THSD4: variants seen among roughly 807,000 people sequenced by gnomAD.
The protein encoded by THSD4 is thrombospondin type 1 domain containing 4, also known as thrombospondin type-1 domain-containing protein 4.
Under a neutral mutation model 119.0 loss-of-function variants are expected in THSD4, and 69 were observed. The ratio of observed to expected loss-of-function variants is 0.58; its 90% CI spans 0.48 to 0.71. The LOEUF (loss-of-function observed/expected upper bound fraction) is 0.71, where lower values mean the gene tolerates loss of function less well. THSD4 is among the 30% of genes least tolerant of loss of function. The pLI is 0.00. For missense variants in THSD4, 1,393 were observed against 1,391.1 expected (o/e 1.00, Z -0.02); for synonymous variants, 524 against 540.4 (o/e 0.97, Z 0.42).
At chr15:71,373,464 G>A (rs868839602) in intron 6 of THSD4, among the ~76,000 whole-genome samples, 12 of 152,050 alleles carry the variant, frequency 7.9e-5, no homozygotes, top group Admixed American at 5.2e-4. Flanking sequence ...AGGATATCCC[G>A]GTGGCTGAAA....
intron 7 of THSD4, among the ~76,000 whole-genome samples, chr15:71,478,640 G>A (rs1233453014): frequency 3.3e-5 from 5 of 152,154 alleles, no homozygotes; most frequent in Non-Finnish European, 7.3e-5. Flanking sequence ...TTCAATGGTA[G>A]GTAGCAGCCA....
At chr15:71,293,134 T>C (rs2044815789) in intron 6 of THSD4, among the ~76,000 whole-genome samples, 1 of 152,172 alleles carries the variant, frequency 6.6e-6, no homozygotes, top group East Asian at 1.9e-4. Flanking sequence ...AGGTCGAAAG[T>C]TCTACGTGCA....
intron 5 of THSD4, among the ~76,000 whole-genome samples, chr15:71,249,116 C>A (rs147306363): frequency 6.6e-6 from 1 of 151,678 alleles, no homozygotes; most frequent in Non-Finnish European, 1.5e-5. Context: ...TATATATATA[C>A]ACACACACAC....
At chr15:71,357,154 G>A (rs1477387081) in intron 6 of THSD4, among the ~76,000 whole-genome samples, 1 of 152,184 alleles carries the variant, frequency 6.6e-6, no homozygotes, top group African/African-American at 2.4e-5. Context: ...GAATACAAAG[G>A]AATGTCCTTC....
At chr15:71,243,999 A>T (rs1030668896) in intron 5 of THSD4, among the ~76,000 whole-genome samples, 1 of 151,164 alleles carries the variant, frequency 6.6e-6, no homozygotes, top group Non-Finnish European at 1.5e-5. Flanking sequence ...GTTGGCCAGG[A>T]TGGTTTCGAT....
chr15:71,634,575 T>TC (rs2050701165), intron 7 of THSD4, among the ~76,000 whole-genome samples: 1 of 152,296 alleles, frequency 6.6e-6, no homozygotes, highest in African/African-American at 2.4e-5. Flanking sequence ...GAAGGGATCT[T>TC]CCCCAGGGCA....
Position 71,525,834 on chromosome 15 carries a change from G to T in THSD4, c.1152+114011G>T, listed in dbSNP as rs2048510254. 2.0e-5 allele frequency among the ~76,000 whole-genome samples: 3 copies of T among 152,154 alleles called. No individual in the cohort carries two copies. In the South Asian group the frequency reaches 6.2e-4, roughly 32 times the overall value. On this transcript the variant is annotated intron_variant, in intron 7 of 17. Transcript: ENST00000261862. ...TGGTCCTTGGTGAGAGCTGGTGAGA[G>T]CTTTGCCTTAGCATCCCCAGCTACA...
chr15:71,607,679 G>A (rs749070154), intron 7 of THSD4, among the ~76,000 whole-genome samples: 2 of 152,292 alleles, frequency 1.3e-5, no homozygotes, highest in African/African-American at 4.8e-5. Flanking sequence ...TTAATGAGGC[G>A]TGGGTATGGG....
intron 6 of THSD4, among the ~76,000 whole-genome samples, chr15:71,330,732 C>T (rs922034172): frequency 3.9e-5 from 6 of 152,170 alleles, no homozygotes; most frequent in African/African-American, 1.4e-4. Context: ...TGCTTTGTTC[C>T]TTCTGATGTA....
chr15:71,444,563 C>T (rs1292485436), intron 7 of THSD4, among the ~76,000 whole-genome samples: 1 of 152,228 alleles, frequency 6.6e-6, no homozygotes, highest in Non-Finnish European at 1.5e-5. Flanking sequence ...ACACATCTCA[C>T]AGCACCTCAC....
rs148337759 is a variant in THSD4 at position 71,198,436 on chromosome 15, G to A, written c.100-16599G>A. ...GGCAGCTCTGTCCCCTTTCTTTGTA[G>A]TGAGCCTGTCTTAGGCCTATATCCA... On this transcript the variant is annotated intron_variant, in intron 3 of 17. Transcript: ENST00000261862. 1.6e-4 allele frequency among the ~76,000 whole-genome samples: 25 copies of A among 152,300 alleles called. No individual in the cohort carries two copies. The East Asian group carries it at 3.1e-3, about 19-fold the overall frequency.
intron 6 of THSD4, among the ~76,000 whole-genome samples, chr15:71,274,084 G>C (rs972175175): frequency 2.0e-5 from 3 of 152,158 alleles, no homozygotes; most frequent in African/African-American, 7.2e-5. Context: ...TGGCCAGGGG[G>C]AGCTGGGACA....
chr15:71,193,798 C>T (rs533796568), intron 3 of THSD4, among the ~76,000 whole-genome samples: 22 of 152,290 alleles, frequency 1.4e-4, no homozygotes, highest in African/African-American at 4.1e-4. Flanking sequence ...AGCTCCGCCT[C>T]CCGGGTTCAC....
At chr15:71,720,711 C>T (rs1396929375) in intron 8 of THSD4, among the ~76,000 whole-genome samples, 1 of 152,192 alleles carries the variant, frequency 6.6e-6, no homozygotes, top group African/African-American at 2.4e-5. Context: ...TGTGGGATTC[C>T]ATGGAAGCTC....
At chr15:71,357,678 C>T (rs1054524238) in intron 6 of THSD4, among the ~76,000 whole-genome samples, 2 of 152,184 alleles carry the variant, frequency 1.3e-5, no homozygotes, top group Middle Eastern at 3.4e-3. Context: ...TCCTTTCTGG[C>T]AGAGGAAGGG....
At chr15:71,143,685 C>CTT (rs11462253) in intron 2 of THSD4, among the ~76,000 whole-genome samples, 1 of 114,956 alleles carries the variant, frequency 8.7e-6, no homozygotes, top group African/African-American at 3.3e-5. Context: ...TTTTTTCTTT[C>CTT]TTTTTTTTTT....
intron 7 of THSD4, among the ~76,000 whole-genome samples, chr15:71,634,749 G>A (rs539012033): frequency 1.3e-5 from 2 of 152,294 alleles, no homozygotes; most frequent in East Asian, 1.9e-4. Flanking sequence ...GCTGCTCCAC[G>A]GTGGCAGCAA....
chr15:71,748,711 A>G (rs992433973), intron 14 of THSD4, 117 bp downstream of exon 14: 367 of 1,293,226 alleles, frequency 2.8e-4, no homozygotes, highest in Non-Finnish European at 3.7e-4. Flanking sequence ...TCTGGGGGGA[A>G]AAAAAAGGCC....
intron 6 of THSD4, among the ~76,000 whole-genome samples, chr15:71,302,819 A>G (rs566037302): frequency 7.8e-4 from 119 of 151,938 alleles, no homozygotes; most frequent in Non-Finnish European, 1.5e-3. Flanking sequence ...CCTTCTTCCA[A>G]CACCATGGCC....
Sources: gnomAD v4.1 joint callset for allele counts (sites outside exome capture counted in the v4.1 genomes callset) on GRCh38, gnomAD v4.1.1 for gene constraint, MANE v1.5 for transcripts, NCBI Gene and HGNC (gene_info 2026-07-23, HGNC 2026-07-21) for gene names.